EEIG2: variants seen among roughly 807,000 people sequenced by gnomAD.
EEIG2 encodes EEIG family member 2.
the EEIG2 span, chr1:108,628,615 AT>A: frequency 3.2e-6 from 5 of 1,570,782 alleles, no homozygotes; most frequent in Non-Finnish European, 4.3e-6. Flanking sequence ...ATAAATTTTA[AT>A]TTTTAAAAAA....
At chr1:108,622,008 T>A in the EEIG2 span, among the ~76,000 whole-genome samples, 1 of 151,974 alleles carries the variant, frequency 6.6e-6, no homozygotes, top group African/African-American at 2.4e-5. Flanking sequence ...AATACAAAAA[T>A]TAGCCAGGCA....
the EEIG2 span, among the ~76,000 whole-genome samples, chr1:108,599,072 G>A: frequency 6.6e-6 from 1 of 152,004 alleles, no homozygotes; most frequent in Non-Finnish European, 1.5e-5. Context: ...GGCTGAGGTG[G>A]GAAGATCTCT....
chr1:108,614,968 T>C, the EEIG2 span, among the ~76,000 whole-genome samples: 1 of 152,116 alleles, frequency 6.6e-6, no homozygotes, highest in South Asian at 2.1e-4. Context: ...CAGGGTTCTA[T>C]GAAAGAAGAG....
chr1:108,560,411 A>C, the EEIG2 span: 16 of 1,535,094 alleles, frequency 1.0e-5, no homozygotes, highest in African/African-American at 6.0e-5. Context: ...CCCAGCTTGC[A>C]GGCGCCTGGC....
At chr1:108,598,502 G>A in the EEIG2 span, among the ~76,000 whole-genome samples, 3,599 of 152,010 alleles carry the variant, frequency 0.024, 142 homozygotes, top group African/African-American at 0.082. Context: ...TCCATCCTTT[G>A]TCAAATAACA....
the EEIG2 span, among the ~76,000 whole-genome samples, chr1:108,565,448 G>A: frequency 1.3e-5 from 2 of 152,300 alleles, no homozygotes; most frequent in South Asian, 4.1e-4. Context: ...CAGTATTATT[G>A]TATTTAAATC....
the EEIG2 span, chr1:108,606,097 C>T: frequency 3.6e-5 from 18 of 501,796 alleles, no homozygotes; most frequent in Admixed American, 4.2e-4. Context: ...GATTTAAGAT[C>T]GTCAGAATTT....
the EEIG2 span, chr1:108,624,805 A>C: frequency 3.5e-6 from 5 of 1,424,962 alleles, no homozygotes; most frequent in African/African-American, 7.1e-5. Flanking sequence ...TGATGCCCTA[A>C]AAATTCTTTG....
At chr1:108,571,320 AG>A in the EEIG2 span, among the ~76,000 whole-genome samples, 1 of 152,174 alleles carries the variant, frequency 6.6e-6, no homozygotes, top group Non-Finnish European at 1.5e-5. Flanking sequence ...CCTCTGCTGT[AG>A]GGGTACAATA....
At chr1:108,634,966 T>C in the EEIG2 span, 1 of 693,680 alleles carries the variant, frequency 1.4e-6, no homozygotes, top group Non-Finnish European at 2.5e-6. Flanking sequence ...ATAGTTTCTA[T>C]CCGTGATGCC....
chr1:108,586,697 G>A, the EEIG2 span, among the ~76,000 whole-genome samples: 104 of 152,180 alleles, frequency 6.8e-4, 2 homozygotes, highest in Middle Eastern at 0.01. Flanking sequence ...CTGTAGGGGC[G>A]CAAATTTGAG....
chr1:108,624,844 A>T, the EEIG2 span: 1 of 878,830 alleles, frequency 1.1e-6, no homozygotes, highest in Non-Finnish European at 1.8e-6. Flanking sequence ...GACTTGAAAC[A>T]GGCCAATAAG....
the EEIG2 span, among the ~76,000 whole-genome samples, chr1:108,580,669 T>G: frequency 6.8e-6 from 1 of 146,896 alleles, no homozygotes; most frequent in Non-Finnish European, 1.5e-5. Context: ...AGCCACAATA[T>G]TCCCTTAAAC....
chr1:108,623,679 A>T, the EEIG2 span, among the ~76,000 whole-genome samples: 20,689 of 150,878 alleles, frequency 0.14, 2,058 homozygotes, highest in African/African-American at 0.28. Flanking sequence ...ATAAAAAAAT[A>T]TTTTTTTTTT....
chr1:108,594,884 G>GT, the EEIG2 span, among the ~76,000 whole-genome samples: 7 of 151,510 alleles, frequency 4.6e-5, no homozygotes, highest in Admixed American at 6.6e-5. Flanking sequence ...TTAATCTCTT[G>GT]TTTTTTTCCC....
the EEIG2 span, chr1:108,560,608 A>G: frequency 3.8e-6 from 6 of 1,593,230 alleles, no homozygotes; most frequent in African/African-American, 8.1e-5. Flanking sequence ...CTGCTTGGCC[A>G]GGGCTTGTTG....
chr1:108,579,772 T>TGA, the EEIG2 span, among the ~76,000 whole-genome samples: 105 of 58,866 alleles, frequency 1.8e-3, 2 homozygotes, highest in African/African-American at 6.1e-3. Context: ...TGTGTGTGTG[T>TGA]GAGAGAGAGA....
chr1:108,560,746 G>T, the EEIG2 span, among the ~76,000 whole-genome samples: 1 of 152,028 alleles, frequency 6.6e-6, no homozygotes, highest in Non-Finnish European at 1.5e-5. Flanking sequence ...TGGTTCCTGC[G>T]CTCCTGACTC....
At chr1:108,612,274 C>T in the EEIG2 span, 1 of 1,607,776 alleles carries the variant, frequency 6.2e-7, no homozygotes, top group Non-Finnish European at 8.5e-7. Flanking sequence ...AAATACAAGA[C>T]AGGATAATTC....
Sources: gnomAD v4.1 joint callset for allele counts (sites outside exome capture counted in the v4.1 genomes callset) on GRCh38, gnomAD v4.1.1 for gene constraint, MANE v1.5 for transcripts, NCBI Gene and HGNC (gene_info 2026-07-23, HGNC 2026-07-21) for gene names.